The following ATP11A variants were observed in gnomAD, a reference collection of about 807,000 sequenced individuals.
The protein encoded by ATP11A is ATPase phospholipid transporting 11A.
A neutral mutation model predicts 154.4 loss-of-function variants in ATP11A; 81 were observed. The ratio of observed to expected loss-of-function variants is 0.52; its 90% CI spans 0.44 to 0.63. The LOEUF is 0.63. Ranked by LOEUF, ATP11A falls within the 30% of genes least tolerant of loss-of-function variation. ATP11A has a pLI of 0.00. For missense variants in ATP11A, 1,316 were observed against 1,474.3 expected (o/e 0.89, Z 1.76); for synonymous variants, 623 against 585.9 (o/e 1.06, Z -0.91).
chr13:112,812,242 G>C (rs934155238), intron 5 of ATP11A: 2 of 152,194 alleles, frequency 1.3e-5, no homozygotes, highest in African/African-American at 4.8e-5. Context: ...TTTGTGTCAA[G>C]GTAGCGGTCA....
At chr13:112,730,035 C>T (rs780950980) in intron 1 of ATP11A, among the ~76,000 whole-genome samples, 1 of 152,232 alleles carries the variant, frequency 6.6e-6, no homozygotes. Flanking sequence ...AGAGTCTCAT[C>T]TCTGTGTCCA....
chr13:112,804,978 C>G lies in ATP11A; in HGVS notation c.184C>G (p.Pro62Ala). The G allele has an allele frequency of 6.2e-7, 1 of 1,608,974 alleles. No individual in the cohort carries two copies. The highest frequency in any genetic ancestry group is 8.5e-7 in the Non-Finnish European group (1 of 1,177,488). Residue 62 changes from proline (P) to alanine (A), a missense_variant, in exon 3 of 30, where the codon CCC (proline) becomes GCC (alanine). By Grantham distance (27) the Pro-to-Ala change is conservative (BLOSUM62 -1). This residue lies in a region of ATP11A where 123 missense variants were observed against 113.7 expected (regional missense o/e 1.08). Transcript: ENST00000375645. ...GCAGTACACATTTTGGAACTTTATA[C>G]CCAAGAATTTATTTGAACAATTCAG... ...SSKYTFWNFI[P>A]KNLFEQFRRV...
intron 1 of ATP11A, among the ~76,000 whole-genome samples, chr13:112,732,736 C>T (rs1435007429): frequency 2.6e-5 from 4 of 152,160 alleles, no homozygotes; most frequent in Non-Finnish European, 2.9e-5. Context: ...CTCATCCTCC[C>T]GAGTATCTGG....
intron 18 of ATP11A, among the ~76,000 whole-genome samples, chr13:112,852,537 G>T (rs1566572719): frequency 6.6e-6 from 1 of 152,222 alleles, no homozygotes; most frequent in Non-Finnish European, 1.5e-5. Context: ...CCGCCGAAAG[G>T]CTTTGCTGCT....
At chr13:112,698,395 G>A (rs141880227) in intron 1 of ATP11A, among the ~76,000 whole-genome samples, 3 of 152,186 alleles carry the variant, frequency 2.0e-5, no homozygotes, top group Admixed American at 6.5e-5. Context: ...TTGTTTTTGC[G>A]AGTTACCTAA....
At position 112,721,674 on chromosome 13, in the gene ATP11A, C is replaced by T. The variant is rs76370893; in HGVS notation, c.39+31219C>T. ...GTTAGTCCCGGGGTCAGTTGTGGGA[C>T]GCTGGTGCTCCCTCTCCTCCACGGC... On this transcript the variant is annotated intron_variant, in intron 1 of 29. Coordinates refer to ENST00000375645, the MANE Select transcript of ATP11A (RefSeq NM_015205.3). Among the ~76,000 whole-genome samples, 697 of 152,318 alleles carry T rather than the reference C, an allele frequency of 4.6e-3. 4 individuals are homozygous for T. The highest frequency in any genetic ancestry group is 0.017 in the East Asian group (88 of 5,180).
Position 112,856,925 on chromosome 13 carries a change from G to A in ATP11A, c.2418+840G>A, listed in dbSNP as rs2079944771. ...ATTTCACTAAAAACACAGAACCAGG[G>A]TCCTCAGAATGACGAGCCTAGAGCA... On this transcript the variant is annotated intron_variant, in intron 20 of 29. Transcript: ENST00000375645. 2 of 152,186 alleles carry A rather than the reference G, an allele frequency of 1.3e-5. 1 individual carries two copies. The highest frequency in any genetic ancestry group is 4.2e-4 in the South Asian group (2 of 4,814). 9.4% of individuals were successfully genotyped at this position (152,186 alleles called of 1,614,324 possible).
chr13:112,690,229 G>T lies in ATP11A; in HGVS notation c.-188G>T. The T allele has an allele frequency of 5.4e-6, 1 of 183,830 alleles. No individual in the cohort carries two copies. Among genetic ancestry groups the T allele is most frequent in the Non-Finnish European group, 1.0e-5 (1 of 97,484 alleles). 11.4% of individuals were successfully genotyped at this position (183,830 alleles called of 1,614,324 possible). Reference sequence around the variant, plus strand: ...AGCAGCTGCCGACGCGCGGGGCCGCGGACCCAGCATTCGCCGGCCGGGCCG... The same window carrying T: ...AGCAGCTGCCGACGCGCGGGGCCGCTGACCCAGCATTCGCCGGCCGGGCCG... On this transcript the variant is annotated 5_prime_UTR_variant, in exon 1 of 30. Transcript: ENST00000375645. The surrounding 1 kb of genome is among the most constrained non-coding windows in gnomAD (Gnocchi z 5.6).
chr13:112,715,633 G>GGGTT (rs1318843736), intron 1 of ATP11A, among the ~76,000 whole-genome samples: 25 of 129,070 alleles, frequency 1.9e-4, no homozygotes, highest in African/African-American at 6.9e-4. Flanking sequence ...CCTCCCCAGA[G>GGGTT]GGTTGCCCCT....
intron 25 of ATP11A, among the ~76,000 whole-genome samples, chr13:112,867,196 T>C (rs2080362970): frequency 6.6e-6 from 1 of 152,170 alleles, no homozygotes; most frequent in African/African-American, 2.4e-5. Flanking sequence ...CCTGGTTCAC[T>C]ACAACCACCC....
chr13:112,823,730 C>T (rs1283457338), intron 9 of ATP11A, among the ~76,000 whole-genome samples: 1 of 152,192 alleles, frequency 6.6e-6, no homozygotes, highest in Non-Finnish European at 1.5e-5. Context: ...CTAGGATCTC[C>T]CATTTCTTGT....
rs1268469862 is a variant in ATP11A, at chr13:112,864,740, C to T, written c.2991+2165C>T. On this transcript the variant is annotated intron_variant, in intron 25 of 29. Coordinates refer to ENST00000375645, the MANE Select transcript of ATP11A (RefSeq NM_015205.3). The stretch of plus-strand genomic sequence containing the variant: ...CAGTGCAGCACGTGCAGCTTCCCAG[C>T]GGGGTCCATCACCACCTGCACAGTA... Among the ~76,000 whole-genome samples, 3 of 68,550 alleles carry T rather than the reference C, an allele frequency of 4.4e-5. 1 individual carries two copies. The highest frequency in any genetic ancestry group is 4.8e-5 in the Non-Finnish European group (2 of 41,732). The allele number at this position is 68,550 out of a possible 152,430, so 45.0% of individuals were successfully genotyped here. A position where few individuals can be genotyped will look rare whatever the true frequency, so the allele number is the denominator to read the frequency against.
chr13:112,726,218 C>T (rs1018727094), intron 1 of ATP11A, among the ~76,000 whole-genome samples: 12 of 149,424 alleles, frequency 8.0e-5, no homozygotes, highest in Non-Finnish European at 1.3e-4. Flanking sequence ...GCACTGCATG[C>T]GTGCAGGGAG....
At chr13:112,801,708 C>T (rs1489465658) in intron 2 of ATP11A, among the ~76,000 whole-genome samples, 3 of 152,170 alleles carry the variant, frequency 2.0e-5, no homozygotes, top group Admixed American at 1.3e-4. Flanking sequence ...CACCAAATTA[C>T]ACAGGTATAA....
rs371113647 is a variant in ATP11A at position 112,828,345 on chromosome 13, G to A, written c.1221+1454G>A. ...AAGCACCCAGCAGTGTTGAGTGGGGGGAAAGCACCCAGCAGTGTTAAGTAG... is the reference window on the plus strand; with the variant it reads ...AAGCACCCAGCAGTGTTGAGTGGGGAGAAAGCACCCAGCAGTGTTAAGTAG... On this transcript the variant is annotated intron_variant, in intron 12 of 29. Transcript: ENST00000375645. 1.2e-4 allele frequency among the ~76,000 whole-genome samples: 18 copies of A among 146,442 alleles called. No homozygotes were observed. The East Asian group carries it at 2.6e-3, about 21-fold the overall frequency.
At chr13:112,871,182 G>A (rs183212393) in intron 25 of ATP11A, among the ~76,000 whole-genome samples, 217 of 152,298 alleles carry the variant, frequency 1.4e-3, no homozygotes, top group African/African-American at 5.0e-3. Context: ...GAACGTTCCC[G>A]CCGCTGTTCT....
chr13:112,881,984 A>G lies in ATP11A; in HGVS notation c.*118A>G, dbSNP rs779996948. On this transcript the variant is annotated 3_prime_UTR_variant, in exon 30 of 30. Transcript: ENST00000375645. ...GAAGGTGTCCACGGAGCCCCCACCC[A>G]TCCTCGGCGGTTCCCATCACCACTG... is the stretch of plus-strand genomic sequence containing the variant. The G allele has an allele frequency of 3.7e-6, 5 of 1,367,574 alleles. No individual in the cohort carries two copies. Among genetic ancestry groups the G allele is most frequent in the Non-Finnish European group, 4.9e-6 (5 of 1,021,926 alleles). 84.7% of individuals were successfully genotyped at this position (1,367,574 alleles called of 1,614,324 possible).
At chr13:112,799,394 G>A (rs934754747) in intron 2 of ATP11A, among the ~76,000 whole-genome samples, 2 of 152,202 alleles carry the variant, frequency 1.3e-5, no homozygotes, top group African/African-American at 2.4e-5. Context: ...GGCTGAGTCC[G>A]AGAAAGGAGT....
At position 112,854,286 on chromosome 13, in the gene ATP11A, G is replaced by C. The variant is rs764889942; in HGVS notation, c.1999G>C (p.Glu667Gln). ...TGGTTTTGCCTCCCTCAGGCTGCAG[G>C]AGAAAGCTGCAGACACCATCGAGGC... ...GATAVEDRLQ[E>Q]KAADTIEALQ... Residue 667 changes from glutamate to glutamine, a missense_variant, in exon 19 of 30, where the codon GAG (glutamate) becomes CAG (glutamine). Glu to Gln is a conservative substitution (Grantham distance 29). Coordinates refer to ENST00000375645, the MANE Select transcript of ATP11A (RefSeq NM_015205.3). 1 of 1,614,084 alleles carries C rather than the reference G, an allele frequency of 6.2e-7. No individual in the cohort carries two copies.
Sources: allele counts gnomAD v4.1 joint callset (sites outside exome capture counted in the v4.1 genomes callset), GRCh38; gene constraint gnomAD v4.1.1; regional missense constraint gnomAD v4.1.1; non-coding constraint Gnocchi (gnomAD v3.1); transcripts MANE v1.5; gene names NCBI Gene and HGNC (gene_info 2026-07-23, HGNC 2026-07-21).